SLC19A3: variants seen among roughly 807,000 people sequenced by gnomAD.
The protein encoded by SLC19A3 is thiamine transporter 2.
Under a neutral mutation model 40.2 loss-of-function variants are expected in SLC19A3, and 31 were observed. The observed-to-expected ratio is 0.77, with a 90% CI of 0.58 to 1.04. SLC19A3 has a LOEUF of 1.04. Ranked by LOEUF, SLC19A3 falls within the 50% of genes least tolerant of loss-of-function variation. SLC19A3 has a pLI of 0.00. For synonymous variants in SLC19A3, 212 were observed against 227.5 expected (o/e 0.93, Z 0.61); for missense variants, 592 against 596.7 (o/e 0.99, Z 0.08).
intron 1 of SLC19A3, chr2:227,714,657 C>T (rs1297391788): frequency 2.1e-6 from 2 of 937,172 alleles, no homozygotes; most frequent in Admixed American, 7.3e-5. Flanking sequence ...GCTTTATGTA[C>T]TGGGGCCCAC....
rs1694939833 is a variant in SLC19A3, at chr2:227,684,096, G to C, written c.*3301C>G. The C allele has an allele frequency of 1.3e-5, 2 of 152,152 alleles. No homozygotes were observed. Among genetic ancestry groups the C allele is most frequent in the Non-Finnish European group, 2.9e-5 (2 of 68,044 alleles). The allele number at this position is 152,152 out of a possible 1,614,324, so 9.4% of individuals were successfully genotyped here. A position where few individuals can be genotyped will look rare whatever the true frequency, so the allele number is the denominator to read the frequency against. ...TTACAGGCATGAGCCACCGTGCCAG[G>C]CCTCATTTGTCTTTTTAGAAAAGTT... On this transcript the variant is annotated 3_prime_UTR_variant, in exon 6 of 6. Coordinates refer to ENST00000644224, the MANE Select transcript of SLC19A3 (RefSeq NM_025243.4).
chr2:227,714,474 C>A lies in SLC19A3; in HGVS notation c.-3+3469G>T, dbSNP rs1696259073. ...CTGTTTTTTTCTGTGCCCCCAGTTT[C>A]TTTCTTTCTAGAACCAAGCTGGCTT... On this transcript the variant is annotated intron_variant, in intron 1 of 5. Coordinates refer to ENST00000644224, the MANE Select transcript of SLC19A3 (RefSeq NM_025243.4). The A allele has an allele frequency of 1.3e-5, 13 of 985,252 alleles. No individual in the cohort carries two copies. In the South Asian group the frequency reaches 5.6e-4, roughly 43 times the overall value. 61.0% of individuals were successfully genotyped at this position (985,252 alleles called of 1,614,324 possible).
At chr2:227,716,257 A>G (rs1696332817) in intron 1 of SLC19A3, among the ~76,000 whole-genome samples, 1 of 152,220 alleles carries the variant, frequency 6.6e-6, no homozygotes, top group Non-Finnish European at 1.5e-5. Context: ...ACCAGTTTCA[A>G]TATTCCTGAT....
In SLC19A3 at chr2:227,687,426, T is replaced by C; in HGVS notation, c.1462A>G (p.Ser488Gly). The C allele has an allele frequency of 6.2e-7, 1 of 1,613,372 alleles. No homozygotes were observed. The highest frequency in any genetic ancestry group is 8.5e-7 in the Non-Finnish European group (1 of 1,179,522). ...AGTTTTGTTGACATGATGATATTAC[T>C]CTCTTCCTCTGGGTGAGACACATCT... ...NPDVSHPEEE[S>G]NIIMSTKL is the part of the protein sequence containing the mutation. The change falls in exon 6 of 6, where the codon AGT (serine) becomes GGT (glycine). Residue 488 changes from serine to glycine, a missense_variant. Coordinates refer to ENST00000644224, the MANE Select transcript of SLC19A3 (RefSeq NM_025243.4).
intron 1 of SLC19A3, among the ~76,000 whole-genome samples, chr2:227,715,772 A>G (rs1696314715): frequency 6.6e-6 from 1 of 152,038 alleles, no homozygotes; most frequent in African/African-American, 2.4e-5. Flanking sequence ...CAAAATAGCG[A>G]GACCTCACCT....
chr2:227,706,646 C>G (rs553447631), intron 1 of SLC19A3: 85 of 203,422 alleles, frequency 4.2e-4, no homozygotes, highest in Non-Finnish European at 7.0e-4. Context: ...TGGTGGGTGC[C>G]TGTAATCCCA....
chr2:227,707,563 C>T (rs1001525874), intron 1 of SLC19A3, among the ~76,000 whole-genome samples: 14 of 150,838 alleles, frequency 9.3e-5, no homozygotes, highest in South Asian at 2.1e-4. Context: ...AGCCGGGCAA[C>T]GGAGCAAGAC....
chr2:227,710,018 G>T (rs1323324931), intron 1 of SLC19A3, among the ~76,000 whole-genome samples: 1 of 152,098 alleles, frequency 6.6e-6, no homozygotes, highest in South Asian at 2.1e-4. Context: ...CAAGGAGCTC[G>T]TAACCTAGAT....
intron 1 of SLC19A3, among the ~76,000 whole-genome samples, chr2:227,713,071 C>T (rs1696195863): frequency 1.3e-5 from 2 of 152,102 alleles, no homozygotes; most frequent in African/African-American, 2.4e-5. Flanking sequence ...AACCACACTG[C>T]TAGGGTTTGA....
Position 227,698,999 on chromosome 2 carries a change from C to T in SLC19A3, c.716G>A (p.Ser239Asn). The change falls in exon 3 of 6, where the codon AGC (serine) becomes AAC (asparagine). Residue 239 changes from serine to asparagine, a missense_variant. By Grantham distance (46) the Ser-to-Asn change is conservative (BLOSUM62 1). Transcript: ENST00000644224. ...GCCCTTATTCAGCTTCCCTGAAGTG[C>T]TGAGTATTTCTGATGTGGGTTTCTG... ...EEQKPTSEIL[S>N]TSGKLNKGQL... is the part of the protein sequence containing the mutation. 1 of 1,614,250 alleles carries T rather than the reference C, an allele frequency of 6.2e-7. No homozygotes were observed. The highest frequency in any genetic ancestry group is 1.1e-5 in the South Asian group (1 of 91,088).
chr2:227,717,893 G>A (rs993449571), intron 1 of SLC19A3, 50 bp downstream of exon 1: 1 of 984,336 alleles, frequency 1.0e-6, no homozygotes, highest in South Asian at 4.7e-5. Flanking sequence ...TGCTAAGACC[G>A]AGGGATGACG....
intron 5 of SLC19A3, 82 bp from the exon 6 acceptor site, chr2:227,687,655 C>T: frequency 6.8e-7 from 1 of 1,480,066 alleles, no homozygotes; most frequent in Non-Finnish European, 9.2e-7. Context: ...TGTTGGTTTG[C>T]TTGGATTATG....
At chr2:227,688,393 ATTT>A in intron 4 of SLC19A3, 86 bp from the exon 5 acceptor site, 1 of 1,298,414 alleles carries the variant, frequency 7.7e-7, no homozygotes, top group Non-Finnish European at 1.1e-6. Flanking sequence ...CCACAGGGGT[ATTT>A]GTGTCACCCA....
At position 227,687,545 on chromosome 2, in the gene SLC19A3, A is replaced by G. The variant is rs201544540; in HGVS notation, c.1343T>C (p.Val448Ala). 133 of 1,613,990 alleles carry G rather than the reference A, an allele frequency of 8.2e-5. 1 individual carries two copies. The East Asian group carries it at 2.7e-3, about 33-fold the overall frequency. The change falls in exon 6 of 6, where the codon GTA becomes GCA. Residue 448 changes from valine to alanine, a missense_variant. Transcript: ENST00000644224. ...QFLVYGSYFA[V>A]IAGIFLMRSM... ...TCTCATTAGGAAAATTCCAGCAATTACTGCAAAATAGCTCCCATAAACTAA... is the reference window on the plus strand; with the variant it reads ...TCTCATTAGGAAAATTCCAGCAATTGCTGCAAAATAGCTCCCATAAACTAA...
At chr2:227,704,385 T>C (rs1027462962) in intron 1 of SLC19A3, among the ~76,000 whole-genome samples, 4 of 152,216 alleles carry the variant, frequency 2.6e-5, no homozygotes, top group African/African-American at 9.6e-5. Context: ...GATAATTGAA[T>C]TACTTATGCA....
chr2:227,687,494 T>C lies in SLC19A3; in HGVS notation c.1394A>G (p.Lys465Arg). 1 of 1,614,144 alleles carries C rather than the reference T, an allele frequency of 6.2e-7. No individual in the cohort carries two copies. Among genetic ancestry groups the C allele is most frequent in the Non-Finnish European group, 8.5e-7 (1 of 1,180,000 alleles). The change falls in exon 6 of 6, where the codon AAA becomes AGA. Residue 465 changes from lysine to arginine, a missense_variant. Physicochemically the swap from Lys to Arg is conservative, Grantham distance 26. Coordinates refer to ENST00000644224, the MANE Select transcript of SLC19A3 (RefSeq NM_025243.4). Reference protein sequence around the residue: ...MRSMYITYSTKSQKDVQSPAP... With the variant: ...MRSMYITYSTRSQKDVQSPAP... ...AGGGCTCTGTACATCCTTCTGGGAT[T>C]TGGTTGAGTAGGTAATATACATGCT...
intron 1 of SLC19A3, among the ~76,000 whole-genome samples, chr2:227,707,613 A>C (rs1307324125): frequency 1.4e-5 from 2 of 145,266 alleles, no homozygotes; most frequent in Admixed American, 1.4e-4. Context: ...AAATATAATA[A>C]AAAAAAACAA....
intron 4 of SLC19A3, 110 bp downstream of exon 4, chr2:227,695,779 C>T (rs2106325781): frequency 2.8e-6 from 3 of 1,063,210 alleles, no homozygotes; most frequent in South Asian, 1.3e-5. Context: ...AAGCAGTCAA[C>T]ATTTAATATT....
chr2:227,711,422 A>AAAACT (rs1553575205), intron 1 of SLC19A3, among the ~76,000 whole-genome samples: 1 of 143,658 alleles, frequency 7.0e-6, no homozygotes, highest in Non-Finnish European at 1.5e-5. Context: ...TCTGTCTCAA[A>AAAACT]AAAATAAAAT....
Sources: gnomAD v4.1 joint callset for allele counts (sites outside exome capture counted in the v4.1 genomes callset) on GRCh38, gnomAD v4.1.1 for gene constraint, MANE v1.5 for transcripts, NCBI Gene and HGNC (gene_info 2026-07-23, HGNC 2026-07-21) for gene names.